Variants in KLHL32 observed in about 807,000 individuals in gnomAD.
The protein encoded by KLHL32 is kelch like family member 32.
Under a neutral mutation model 64.8 loss-of-function variants are expected in KLHL32, and 35 were observed. That is an observed-to-expected ratio of 0.54 (90% CI 0.41 to 0.72). The LOEUF (loss-of-function observed/expected upper bound fraction) is 0.72, where lower values mean the gene tolerates loss of function less well. Ranked by LOEUF, KLHL32 falls within the 30% of genes least tolerant of loss-of-function variation. The probability of loss-of-function intolerance (pLI) is 0.00; values close to 1 mark genes in which losing one functional copy is unlikely to be tolerated. For missense variants in KLHL32, 589 were observed against 768.5 expected (o/e 0.77, Z 2.76); for synonymous variants, 259 against 281.0 (o/e 0.92, Z 0.78).
intron 1 of KLHL32, among the ~76,000 whole-genome samples, chr6:96,944,068 C>T (rs947073980): frequency 6.6e-5 from 10 of 152,176 alleles, no homozygotes; most frequent in African/African-American, 1.7e-4. Context: ...CAGCTGTATT[C>T]GTTCCCTGTC....
chr6:97,016,874 A>C (rs952344563), intron 3 of KLHL32, among the ~76,000 whole-genome samples: 9 of 152,112 alleles, frequency 5.9e-5, no homozygotes, highest in African/African-American at 2.2e-4. Flanking sequence ...ACAAGAACTG[A>C]TGGTTTTATA....
chr6:96,935,410 C>T (rs890405014), intron 1 of KLHL32, among the ~76,000 whole-genome samples: 4 of 152,140 alleles, frequency 2.6e-5, no homozygotes, highest in Non-Finnish European at 5.9e-5. Context: ...CTTTTCCCCC[C>T]ATAAAGTAAG....
chr6:96,990,384 G>A (rs1282485554), intron 3 of KLHL32, among the ~76,000 whole-genome samples: 1 of 152,076 alleles, frequency 6.6e-6, no homozygotes, highest in Non-Finnish European at 1.5e-5. Flanking sequence ...TTGAAGTTTG[G>A]GCTGTGATCC....
chr6:97,030,229 C>CTTA (rs1429949371), intron 3 of KLHL32, among the ~76,000 whole-genome samples: 6 of 152,160 alleles, frequency 3.9e-5, no homozygotes, highest in Non-Finnish European at 7.4e-5. Flanking sequence ...TGCCATTTTA[C>CTTA]TTATCTATGA....
At chr6:96,926,477 A>G (rs1769176582) in intron 1 of KLHL32, among the ~76,000 whole-genome samples, 1 of 152,216 alleles carries the variant, frequency 6.6e-6, no homozygotes, top group Non-Finnish European at 1.5e-5. Context: ...TTTGAGGCCA[A>G]TAAATTACCT....
Position 97,088,673 on chromosome 6 carries a change from A to G in KLHL32, c.627+3332A>G, listed in dbSNP as rs114829750. Among the ~76,000 whole-genome samples the G allele has an allele frequency of 4.0e-3, 616 of 152,328 alleles. 5 individuals are homozygous for G. The highest frequency in any genetic ancestry group is 0.014 in the African/African-American group (586 of 41,574). The stretch of plus-strand genomic sequence containing the variant: ...GATTGTGGTAATCATTTCCCAGTGT[A>G]TATGCTTATCAAATCATCATATTGT... On this transcript the variant is annotated intron_variant, in intron 6 of 10. Coordinates refer to ENST00000369261, the MANE Select transcript of KLHL32 (RefSeq NM_052904.4).
chr6:97,056,690 A>G (rs1788001923), intron 4 of KLHL32, among the ~76,000 whole-genome samples: 1 of 152,198 alleles, frequency 6.6e-6, no homozygotes. Flanking sequence ...AAGGATCAGC[A>G]AACTTTTTTT....
the KLHL32 span, among the ~76,000 whole-genome samples, chr6:96,899,365 T>C: frequency 0.016 from 2,366 of 152,318 alleles, 50 homozygotes; most frequent in African/African-American, 0.045. Context: ...ATCTGCCTCA[T>C]TATGTCTATG....
intron 3 of KLHL32, among the ~76,000 whole-genome samples, chr6:96,996,190 C>T (rs752073156): frequency 6.6e-6 from 1 of 152,244 alleles, no homozygotes; most frequent in Non-Finnish European, 1.5e-5. Context: ...CCATGAACGC[C>T]TACAGTTTCT....
At chr6:97,066,473 G>A (rs1358039007) in intron 5 of KLHL32, among the ~76,000 whole-genome samples, 3 of 152,144 alleles carry the variant, frequency 2.0e-5, no homozygotes, top group Non-Finnish European at 1.5e-5. Flanking sequence ...ATTGTGCTGA[G>A]GTAAAAGTGT....
At chr6:97,033,777 G>A (rs1737628) in intron 3 of KLHL32, among the ~76,000 whole-genome samples, 27,522 of 151,992 alleles carry the variant, frequency 0.18, 2,988 homozygotes, top group African/African-American at 0.32. Flanking sequence ...GATGATTAGT[G>A]ATGTTGAGCA....
intron 4 of KLHL32, among the ~76,000 whole-genome samples, chr6:97,051,125 C>T (rs578239343): frequency 3.3e-5 from 5 of 152,310 alleles, no homozygotes; most frequent in African/African-American, 7.2e-5. Flanking sequence ...TGCCTGAGGT[C>T]GTATGTACAG....
At chr6:96,933,199 C>T (rs1287310858) in intron 1 of KLHL32, among the ~76,000 whole-genome samples, 1 of 152,138 alleles carries the variant, frequency 6.6e-6, no homozygotes, top group Non-Finnish European at 1.5e-5. Flanking sequence ...TACTCCTGGA[C>T]CCAGTAAGGG....
intron 4 of KLHL32, among the ~76,000 whole-genome samples, chr6:97,056,267 G>A (rs901364761): frequency 1.1e-4 from 16 of 151,798 alleles, no homozygotes; most frequent in Middle Eastern, 6.8e-3. Context: ...CACCACGCCC[G>A]GCTAATTTTT....
intron 3 of KLHL32, among the ~76,000 whole-genome samples, chr6:96,979,997 C>T (rs1390427713): frequency 1.7e-5 from 1 of 57,740 alleles, no homozygotes; most frequent in Admixed American, 1.3e-4. Flanking sequence ...TACTGATATT[C>T]GTACAATTGA....
At chr6:97,105,573 G>C in intron 6 of KLHL32, 1 of 467,482 alleles carries the variant, frequency 2.1e-6, no homozygotes, top group Non-Finnish European at 4.4e-6. Context: ...CAAAGAGAAG[G>C]GCTCCGTGTG....
chr6:96,922,455 T>C (rs1768779716), upstream of KLHL32, among the ~76,000 whole-genome samples: 1 of 152,070 alleles, frequency 6.6e-6, no homozygotes, highest in Non-Finnish European at 1.5e-5. Context: ...AAGTTCCTTC[T>C]TGCCTAAATT....
intron 1 of KLHL32, among the ~76,000 whole-genome samples, chr6:96,951,511 A>G (rs1438744806): frequency 1.3e-5 from 2 of 152,132 alleles, no homozygotes; most frequent in Non-Finnish European, 2.9e-5. Context: ...CACACCCTGT[A>G]CCTTAACCAT....
chr6:96,962,325 G>A lies in KLHL32; in HGVS notation c.-65-4671G>A, dbSNP rs1026505054. 5.3e-5 allele frequency among the ~76,000 whole-genome samples: 8 copies of A among 152,144 alleles called. No individual in the cohort carries two copies. In the South Asian group the frequency reaches 1.7e-3, roughly 32 times the overall value. ...AAGAGACTTACCAGAAATGGAGAACGTTCCACTAATGAATATTTCCTAAGG... is the reference window on the plus strand; with the variant it reads ...AAGAGACTTACCAGAAATGGAGAACATTCCACTAATGAATATTTCCTAAGG... On this transcript the variant is annotated intron_variant, in intron 1 of 10. Coordinates refer to ENST00000369261, the MANE Select transcript of KLHL32 (RefSeq NM_052904.4).
Sources: gnomAD v4.1 joint callset for allele counts (sites outside exome capture counted in the v4.1 genomes callset) on GRCh38, gnomAD v4.1.1 for gene constraint, MANE v1.5 for transcripts, NCBI Gene and HGNC (gene_info 2026-07-23, HGNC 2026-07-21) for gene names.